The following WIF1 variants were observed in gnomAD, a reference collection of about 807,000 sequenced individuals.
The protein encoded by WIF1 is Wnt inhibitory factor 1.
WIF1 carries 35 observed loss-of-function variants against 53.5 expected under a neutral mutation model. The observed-to-expected ratio is 0.65, with a 90% confidence interval of 0.50 to 0.87. The LOEUF (loss-of-function observed/expected upper bound fraction) is 0.87. Among genes scored for constraint, WIF1 ranks in the 40% least tolerant of loss-of-function variants. The pLI is 0.00. For synonymous variants in WIF1, 171 were observed against 170.4 expected (o/e 1.00, Z -0.03); for missense variants, 467 against 476.8 (o/e 0.98, Z 0.19).
intron 2 of WIF1, among the ~76,000 whole-genome samples, chr12:65,116,306 C>T (rs917610158): frequency 6.6e-5 from 10 of 152,192 alleles, no homozygotes; most frequent in African/African-American, 2.4e-4. Context: ...CCATCACTCG[C>T]ATTACCGCCT....
At chr12:65,071,228 C>T (rs547065221) in intron 3 of WIF1, among the ~76,000 whole-genome samples, 2 of 90,682 alleles carry the variant, frequency 2.2e-5, no homozygotes, top group Admixed American at 2.4e-4. Context: ...AGCAAGACTC[C>T]ATCAAAAAAA....
At chr12:65,115,577 C>T (rs1408018385) in intron 2 of WIF1, among the ~76,000 whole-genome samples, 1 of 152,212 alleles carries the variant, frequency 6.6e-6, no homozygotes, top group African/African-American at 2.4e-5. Flanking sequence ...AATAATAAAG[C>T]ATGCCTCATT....
At chr12:65,106,435 C>T (rs181415891) in intron 2 of WIF1, among the ~76,000 whole-genome samples, 53 of 151,334 alleles carry the variant, frequency 3.5e-4, no homozygotes, top group South Asian at 2.1e-4. Context: ...GGCTGGAGTG[C>T]AGTGATGTGC....
At chr12:65,068,677 GTGTGTGTGTA>G (rs2136615922) in intron 4 of WIF1, 77 bp downstream of exon 4, 5 of 897,368 alleles carry the variant, frequency 5.6e-6, no homozygotes, top group Non-Finnish European at 6.6e-6. Context: ...GTGTGTGTGT[GTGTGTGTGTA>G]TAGATATAAA....
chr12:65,110,320 C>G (rs188270890), intron 2 of WIF1, among the ~76,000 whole-genome samples: 98 of 151,846 alleles, frequency 6.5e-4, no homozygotes, highest in Admixed American at 2.8e-3. Flanking sequence ...TAACATTTCC[C>G]AGAATGCACT....
intron 2 of WIF1, among the ~76,000 whole-genome samples, chr12:65,119,926 T>A (rs1300467785): frequency 6.6e-6 from 1 of 152,174 alleles, no homozygotes; most frequent in African/African-American, 2.4e-5. Context: ...ACCTTTTGGG[T>A]CTAACTTCTA....
At chr12:65,070,163 C>T (rs1326152283) in intron 3 of WIF1, among the ~76,000 whole-genome samples, 2 of 152,122 alleles carry the variant, frequency 1.3e-5, no homozygotes, top group Non-Finnish European at 2.9e-5. Context: ...TCTCAATGTG[C>T]TTTTGGCAAC....
chr12:65,055,699 TG>T (rs572159938), intron 8 of WIF1, among the ~76,000 whole-genome samples: 1 of 152,090 alleles, frequency 6.6e-6, no homozygotes, highest in African/African-American at 2.4e-5. Flanking sequence ...CGCTTACACC[TG>T]GGGGGCGGAG....
At chr12:65,111,121 A>G (rs1231260623) in intron 2 of WIF1, among the ~76,000 whole-genome samples, 1 of 152,202 alleles carries the variant, frequency 6.6e-6, no homozygotes, top group East Asian at 1.9e-4. Flanking sequence ...AGTGAAGCAG[A>G]GCAGAGAAAA....
intron 6 of WIF1, among the ~76,000 whole-genome samples, chr12:65,064,658 TA>T (rs1882662449): frequency 6.6e-6 from 1 of 151,954 alleles, no homozygotes; most frequent in Non-Finnish European, 1.5e-5. Context: ...TATAAAAGAA[TA>T]AAAAAATTAC....
chr12:65,064,053 C>G (rs1003635728), intron 6 of WIF1, among the ~76,000 whole-genome samples: 3 of 152,172 alleles, frequency 2.0e-5, no homozygotes, highest in African/African-American at 7.2e-5. Context: ...TAAGGCTGGA[C>G]AGTTGTTTTT....
At position 65,121,016 on chromosome 12, in the gene WIF1, G is replaced by C. The variant is rs537290700; in HGVS notation, c.148+28C>G. 2.1e-6 allele frequency: 3 copies of C among 1,436,182 alleles called. No homozygotes were observed. In the South Asian group the frequency reaches 4.5e-5, roughly 21 times the overall value. 89.0% of individuals were successfully genotyped at this position (1,436,182 alleles called of 1,614,324 possible). On this transcript the variant is annotated intron_variant, in intron 1 of 9. Coordinates refer to ENST00000286574, the MANE Select transcript of WIF1 (RefSeq NM_007191.5). ...AGTGGAGAGAGGAGGACATAGGCAG[G>C]GGAAGGCGCTGGAGGCGGGGGCCTT...
At chr12:65,102,397 G>A (rs553617983) in intron 2 of WIF1, among the ~76,000 whole-genome samples, 28 of 152,232 alleles carry the variant, frequency 1.8e-4, no homozygotes, top group Middle Eastern at 6.8e-3. Flanking sequence ...GTTTCAGCTC[G>A]AAGGCAGTCA....
Position 65,055,173 on chromosome 12 carries a change from A to G in WIF1, c.963T>C (p.His321=). ...EPGCGAHGTC[H]EPNKCQCQEG... ...CTTGACATTGGCATTTGTTGGGTTC[A>G]TGGCAGGTTCCATGTGCACCACAGC... Residue 321 remains histidine (H), a synonymous_variant, in exon 9 of 10, where the codon CAT becomes CAC. Coordinates refer to ENST00000286574, the MANE Select transcript of WIF1 (RefSeq NM_007191.5). The G allele has an allele frequency of 6.2e-7, 1 of 1,614,126 alleles. No individual in the cohort carries two copies. Among genetic ancestry groups the G allele is most frequent in the Non-Finnish European group, 8.5e-7 (1 of 1,180,022 alleles).
At chr12:65,088,863 A>G (rs1236278228) in intron 2 of WIF1, among the ~76,000 whole-genome samples, 1 of 152,102 alleles carries the variant, frequency 6.6e-6, no homozygotes, top group Non-Finnish European at 1.5e-5. Context: ...GTTCATATGC[A>G]TATGAATATT....
intron 2 of WIF1, among the ~76,000 whole-genome samples, chr12:65,114,506 G>T (rs185419226): frequency 2.0e-5 from 3 of 152,296 alleles, no homozygotes; most frequent in East Asian, 3.9e-4. Context: ...TCCAGACAAA[G>T]TTCTTAAGCC....
At chr12:65,104,175 A>G (rs1213507350) in intron 2 of WIF1, among the ~76,000 whole-genome samples, 2 of 152,188 alleles carry the variant, frequency 1.3e-5, no homozygotes, top group East Asian at 3.8e-4. Context: ...AATGCCCCAT[A>G]TATGCCCGTT....
chr12:65,118,891 T>C (rs935685676), intron 2 of WIF1, among the ~76,000 whole-genome samples: 1 of 118,864 alleles, frequency 8.4e-6, no homozygotes, highest in Non-Finnish European at 1.8e-5. Flanking sequence ...AGAGAGAGAG[T>C]GCGCACGAGA....
rs567204738 is a variant in WIF1 at position 65,055,938 on chromosome 12, C to T, written c.922+93G>A. 14 of 1,116,824 alleles carry T rather than the reference C, an allele frequency of 1.3e-5. No homozygotes were observed. In the South Asian group the frequency reaches 2.0e-4, roughly 16 times the overall value. 69.2% of individuals were successfully genotyped at this position (1,116,824 alleles called of 1,614,324 possible). ...AGAAAGGTTAACTGTGATGCCCAGGCAACATGCACTAAGCACGGAAGTATG... is the reference window on the plus strand; with the variant it reads ...AGAAAGGTTAACTGTGATGCCCAGGTAACATGCACTAAGCACGGAAGTATG... On this transcript the variant is annotated intron_variant, in intron 8 of 9. Coordinates refer to ENST00000286574, the MANE Select transcript of WIF1 (RefSeq NM_007191.5).
Sources: gnomAD v4.1 joint callset for allele counts (sites outside exome capture counted in the v4.1 genomes callset) on GRCh38, gnomAD v4.1.1 for gene constraint, MANE v1.5 for transcripts, NCBI Gene and HGNC (gene_info 2026-07-23, HGNC 2026-07-21) for gene names.